The following CHD1L variants were observed in gnomAD, a reference collection of about 807,000 sequenced individuals.
CHD1L encodes chromodomain helicase DNA binding protein 1 like, also known as ATP-dependent chromatin remodeler CHD1L.
Under a neutral mutation model 115.9 loss-of-function variants are expected in CHD1L, and 118 were observed. That is an observed-to-expected ratio of 1.02 (90% CI 0.88 to 1.19). The LOEUF is 1.19. Among genes scored for constraint, CHD1L ranks in the 50% most tolerant of loss-of-function variants. The pLI, the probability that CHD1L is intolerant of heterozygous loss-of-function variation, is 0.00. For synonymous variants in CHD1L, 411 were observed against 387.1 expected, an observed-to-expected ratio of 1.06 and a Z score of -0.72; for missense variants, 1,179 against 1,065.3, an observed-to-expected ratio of 1.11 and a Z score of -1.49.
At chr1:147,263,603 C>T (rs1672766900) in intron 6 of CHD1L, among the ~76,000 whole-genome samples, 1 of 151,832 alleles carries the variant, frequency 6.6e-6, no homozygotes, top group Non-Finnish European at 1.5e-5. Context: ...CTCTCTTACT[C>T]TTGGTGTTCT....
intron 19 of CHD1L, among the ~76,000 whole-genome samples, chr1:147,289,930 C>G (rs1684845203): frequency 6.6e-6 from 1 of 152,146 alleles, no homozygotes; most frequent in South Asian, 2.1e-4. Context: ...TGCGCAGAAC[C>G]TTATCTAATG....
At chr1:147,227,424 T>A in the CHD1L span, among the ~76,000 whole-genome samples, 1 of 152,246 alleles carries the variant, frequency 6.6e-6, no homozygotes, top group Non-Finnish European at 1.5e-5. Context: ...TAGTTAACAA[T>A]GTAATTTTAT....
the CHD1L span, among the ~76,000 whole-genome samples, chr1:147,213,012 A>C: frequency 6.6e-6 from 1 of 151,894 alleles, no homozygotes; most frequent in African/African-American, 2.4e-5. Context: ...AAAATTCCTT[A>C]TTCTACCTAA....
the CHD1L span, among the ~76,000 whole-genome samples, chr1:147,235,900 T>C: frequency 6.6e-6 from 1 of 152,212 alleles, no homozygotes; most frequent in African/African-American, 2.4e-5. Flanking sequence ...TTGGTACTTT[T>C]GCACAAGTTT....
chr1:147,289,648 C>G (rs1380253439), intron 19 of CHD1L, among the ~76,000 whole-genome samples: 1 of 152,116 alleles, frequency 6.6e-6, no homozygotes, highest in African/African-American at 2.4e-5. Context: ...TCATGGAGGT[C>G]CTGGGCCTGG....
chr1:147,267,397 CTG>C, intron 8 of CHD1L, 27 bp from the exon 9 acceptor site: 1 of 1,562,728 alleles, frequency 6.4e-7, no homozygotes, highest in Non-Finnish European at 8.8e-7. Flanking sequence ...CCATCTCTTT[CTG>C]TCTCTCTCTT....
the CHD1L span, among the ~76,000 whole-genome samples, chr1:147,217,592 AG>A: frequency 1.3e-5 from 2 of 152,222 alleles, no homozygotes; most frequent in East Asian, 3.8e-4. Context: ...TATTCAATCT[AG>A]GAATCCTAAA....
chr1:147,224,980 G>A, the CHD1L span: 1 of 1,614,010 alleles, frequency 6.2e-7, no homozygotes, highest in East Asian at 2.2e-5. Context: ...CTTGATGGAA[G>A]AGAGCCCGCT....
chr1:147,205,489 C>CATTT, the CHD1L span, among the ~76,000 whole-genome samples: 1 of 152,060 alleles, frequency 6.6e-6, no homozygotes, highest in Non-Finnish European at 1.5e-5. Flanking sequence ...TTATGCAAGT[C>CATTT]TAAATTTAGA....
intron 1 of CHD1L, 48 bp downstream of exon 1, chr1:147,242,878 G>A: frequency 8.0e-7 from 1 of 1,253,368 alleles, no homozygotes; most frequent in Non-Finnish European, 1.0e-6. Context: ...AACCTATTGG[G>A]ACTGCCTCTT....
At chr1:147,254,835 G>A (rs782442259) in intron 2 of CHD1L, 35 bp from the exon 3 acceptor site, 20 of 1,466,930 alleles carry the variant, frequency 1.4e-5, no homozygotes, top group Middle Eastern at 3.6e-4. Context: ...ATGGGGAAAT[G>A]TGATCAAAAC....
At chr1:147,294,620 C>T in intron 22 of CHD1L, 103 bp downstream of exon 22, 2 of 827,864 alleles carry the variant, frequency 2.4e-6, no homozygotes, top group Non-Finnish European at 3.8e-6. Flanking sequence ...TTCTTCCTGC[C>T]ACAGTCTTTA....
chr1:147,207,283 G>A, the CHD1L span, among the ~76,000 whole-genome samples: 4 of 152,088 alleles, frequency 2.6e-5, no homozygotes, highest in Non-Finnish European at 4.4e-5. Context: ...ACAGAGATGG[G>A]GAAAGGAAGC....
chr1:147,241,990 T>C (rs1553931178), upstream of CHD1L, among the ~76,000 whole-genome samples: 1 of 152,144 alleles, frequency 6.6e-6, no homozygotes, highest in Non-Finnish European at 1.5e-5. Context: ...ACCCAGAACT[T>C]CATCAATAAA....
intron 19 of CHD1L, among the ~76,000 whole-genome samples, chr1:147,289,318 A>G (rs2102975791): frequency 6.6e-6 from 1 of 152,278 alleles, no homozygotes; most frequent in Non-Finnish European, 1.5e-5. Context: ...AAGAAGATGG[A>G]ATTTCTGACA....
chr1:147,295,049 T>TA (rs1553975557), intron 22 of CHD1L, among the ~76,000 whole-genome samples: 14 of 152,334 alleles, frequency 9.2e-5, no homozygotes, highest in African/African-American at 3.1e-4. Flanking sequence ...GTTAGCATAT[T>TA]TTGAACTATT....
chr1:147,226,627 G>T, the CHD1L span, among the ~76,000 whole-genome samples: 1 of 152,166 alleles, frequency 6.6e-6, no homozygotes, highest in Non-Finnish European at 1.5e-5. Context: ...GTGAGGGGTT[G>T]TAAGAGGCAT....
chr1:147,200,516 AG>A, the CHD1L span, among the ~76,000 whole-genome samples: 1 of 152,144 alleles, frequency 6.6e-6, no homozygotes, highest in African/African-American at 2.4e-5. Flanking sequence ...AGAACATTAT[AG>A]TTTTTTAATG....
At chr1:147,254,375 A>G (rs1447294538) in intron 2 of CHD1L, among the ~76,000 whole-genome samples, 3 of 152,160 alleles carry the variant, frequency 2.0e-5, no homozygotes, top group African/African-American at 7.2e-5. Flanking sequence ...TACATATGGA[A>G]GAAAGGAAGA....
Sources: allele counts gnomAD v4.1 joint callset (sites outside exome capture counted in the v4.1 genomes callset), GRCh38; gene constraint gnomAD v4.1.1; transcripts MANE v1.5; gene names NCBI Gene and HGNC (gene_info 2026-07-23, HGNC 2026-07-21).